Variants in PCDHGA3 observed in about 807,000 individuals in gnomAD.
PCDHGA3 encodes the protein protocadherin gamma-A3.
A neutral mutation model predicts 58.5 loss-of-function variants in PCDHGA3; 40 were observed. That is an observed-to-expected ratio of 0.68 (90% CI 0.53 to 0.89). The LOEUF is 0.89. PCDHGA3 is among the 40% of genes least tolerant of loss of function. The pLI, the probability that PCDHGA3 is intolerant of heterozygous loss-of-function variation, is 0.00. For synonymous variants in PCDHGA3, 530 were observed against 525.7 expected (o/e 1.01, Z -0.11); for missense variants, 1,223 against 1,195.9 (o/e 1.02, Z -0.33).
intron 1 of PCDHGA3, among the ~76,000 whole-genome samples, chr5:141,483,613 C>A (rs2099583607): frequency 6.6e-6 from 1 of 151,914 alleles, no homozygotes; most frequent in South Asian, 2.1e-4. Context: ...ACACCTCCAT[C>A]ATTCCCATGG....
At chr5:141,510,898 T>C in intron 3 of PCDHGA3, 49 bp from the exon 4 acceptor site, 1 of 1,613,278 alleles carries the variant, frequency 6.2e-7, no homozygotes, top group Non-Finnish European at 8.5e-7. Context: ...ACAGTGACTG[T>C]TGAGGACCCT....
At chr5:141,422,379 C>G (rs2096644662) in intron 1 of PCDHGA3, 1 of 1,576,826 alleles carries the variant, frequency 6.3e-7, no homozygotes, top group East Asian at 2.2e-5. Flanking sequence ...GTCAAGTCTC[C>G]TGTTTTATTC....
intron 1 of PCDHGA3, chr5:141,423,709 C>G (rs2096768343): frequency 8.7e-7 from 1 of 1,147,590 alleles, no homozygotes; most frequent in African/African-American, 1.9e-5. Context: ...TGGCACAAGT[C>G]TTTTAAGGAG....
intron 1 of PCDHGA3, among the ~76,000 whole-genome samples, chr5:141,435,794 C>T (rs993951734): frequency 2.6e-5 from 4 of 151,934 alleles, no homozygotes; most frequent in Admixed American, 6.6e-5. Flanking sequence ...GGAAACATAA[C>T]GTCCCAATTA....
In PCDHGA3 at chr5:141,395,061, C is replaced by G. The variant is rs751602382; in HGVS notation, c.2424+48604C>G. 1.5e-5 allele frequency: 25 copies of G among 1,614,158 alleles called. No individual in the cohort carries two copies. In the African/African-American group the frequency reaches 3.2e-4, roughly 21 times the overall value. On this transcript the variant is annotated intron_variant, in intron 1 of 3. Coordinates refer to ENST00000253812, the MANE Select transcript of PCDHGA3 (RefSeq NM_018916.4). ...GGGTGTTGAGGAGGTACAGGCTTTCCTGCAGACCTATTCCCAGGAAGTCTC... is the reference window on the plus strand; with the variant it reads ...GGGTGTTGAGGAGGTACAGGCTTTCGTGCAGACCTATTCCCAGGAAGTCTC...
intron 1 of PCDHGA3, chr5:141,372,290 G>A (rs1437600694): frequency 1.9e-6 from 3 of 1,613,282 alleles, no homozygotes; most frequent in Non-Finnish European, 2.5e-6. Context: ...CGCGTACCTT[G>A]GGCGACAGGG....
chr5:141,468,230 TAGG>T (rs1451844939), intron 1 of PCDHGA3, among the ~76,000 whole-genome samples: 9 of 141,220 alleles, frequency 6.4e-5, no homozygotes, highest in South Asian at 2.2e-4. Context: ...GAGGATGAGG[TAGG>T]AGAATTGCCT....
At chr5:141,473,098 A>G (rs564554159) in intron 1 of PCDHGA3, among the ~76,000 whole-genome samples, 6 of 152,300 alleles carry the variant, frequency 3.9e-5, no homozygotes, top group South Asian at 4.1e-4. Context: ...TGTGAGTTGT[A>G]TTACCACACT....
intron 1 of PCDHGA3, chr5:141,360,202 T>C (rs779702690): frequency 1.2e-6 from 2 of 1,612,846 alleles, no homozygotes; most frequent in Non-Finnish European, 1.7e-6. Context: ...CTTCCTGTTG[T>C]CTTTGTTCCC....
rs372911969 is a variant in PCDHGA3 at position 141,346,097 on chromosome 5, C to T, written c.2064C>T (p.Asp688=). 13 of 1,613,720 alleles carry T rather than the reference C, an allele frequency of 8.1e-6. No individual in the cohort carries two copies. In the African/African-American group the frequency reaches 1.3e-4, roughly 17 times the overall value. The part of the protein sequence containing the change: ...LEPSAKPNDS[D]LTLYLVVAVA... Reference sequence around the variant, plus strand: ...CCTCCGCCAAACCCAACGATTCGGACCTCACTCTGTACCTGGTGGTGGCGG... The same window carrying T: ...CCTCCGCCAAACCCAACGATTCGGATCTCACTCTGTACCTGGTGGTGGCGG... The change falls in exon 1 of 4, where the codon GAC becomes GAT. Residue 688 remains aspartate, a synonymous_variant. Transcript: ENST00000253812.
At position 141,409,758 on chromosome 5, in the gene PCDHGA3, C is replaced by A. The variant is rs763902801; in HGVS notation, c.2424+63301C>A. Reference sequence around the variant, plus strand: ...AGCGGGGTGGTGTTCGCGCAGCGCGCCTTTGATCACGAGCAGCTGCGCGCC... The same window carrying A: ...AGCGGGGTGGTGTTCGCGCAGCGCGACTTTGATCACGAGCAGCTGCGCGCC... On this transcript the variant is annotated intron_variant, in intron 1 of 3. Transcript: ENST00000253812. 4 of 1,612,868 alleles carry A rather than the reference C, an allele frequency of 2.5e-6. No homozygotes were observed. In the African/African-American group the frequency reaches 4.0e-5, roughly 16 times the overall value.
intron 3 of PCDHGA3, among the ~76,000 whole-genome samples, chr5:141,506,045 C>G (rs1379226123): frequency 6.6e-6 from 1 of 152,078 alleles, no homozygotes; most frequent in Non-Finnish European, 1.5e-5. Flanking sequence ...TCTGGTTTTC[C>G]CATAAGGTTG....
intron 1 of PCDHGA3, among the ~76,000 whole-genome samples, chr5:141,451,611 G>C (rs1004906441): frequency 6.6e-6 from 1 of 152,166 alleles, no homozygotes; most frequent in Admixed American, 6.5e-5. Context: ...GCTAGGCATG[G>C]TGGCTCAAAC....
rs534816363 is a variant in PCDHGA3, at chr5:141,456,234, G to T, written c.2425-38573G>T. Among the ~76,000 whole-genome samples the T allele has an allele frequency of 2.2e-4, 33 of 152,224 alleles. 1 individual carries two copies. The South Asian group carries it at 6.9e-3, about 32-fold the overall frequency. On this transcript the variant is annotated intron_variant, in intron 1 of 3. Transcript: ENST00000253812. ...CTGTGGCGATATCAAACTAACTGCT[G>T]TTAGGAGGCTTTGGGCGACCATTGC...
At chr5:141,365,601 T>G in intron 1 of PCDHGA3, 1 of 1,613,644 alleles carries the variant, frequency 6.2e-7, no homozygotes, top group Non-Finnish European at 8.5e-7. Flanking sequence ...ACTTTAACCG[T>G]CATGGACCAT....
chr5:141,389,360 T>C (rs1245411453), intron 1 of PCDHGA3: 4 of 1,613,742 alleles, frequency 2.5e-6, no homozygotes, highest in South Asian at 1.1e-5. Flanking sequence ...TCATGGCCAG[T>C]GACCTGGAGC....
intron 1 of PCDHGA3, among the ~76,000 whole-genome samples, chr5:141,461,824 T>C (rs958063237): frequency 1.3e-5 from 2 of 151,968 alleles, no homozygotes; most frequent in African/African-American, 4.8e-5. Flanking sequence ...CAGCTAATTT[T>C]TTTTTCTTTT....
In PCDHGA3 at chr5:141,351,767, G is replaced by A. The variant is rs371048978; in HGVS notation, c.2424+5310G>A. On this transcript the variant is annotated intron_variant, in intron 1 of 3. Coordinates refer to ENST00000253812, the MANE Select transcript of PCDHGA3 (RefSeq NM_018916.4). ...GCGGGAGCTGTTGTCCTACGTGTCC[G>A]TGAGCCCGCAGAGCGGGGTGGTGTT... 379 of 1,613,510 alleles carry A rather than the reference G, an allele frequency of 2.3e-4. 3 individuals are homozygous for A. The East Asian group carries it at 7.6e-3, about 32-fold the overall frequency.
chr5:141,389,791 TC>T (rs754420674), intron 1 of PCDHGA3: 1 of 1,613,408 alleles, frequency 6.2e-7, no homozygotes, highest in Non-Finnish European at 8.5e-7. Context: ...AGGGACGCCG[TC>T]CGCCAGCGCC....
Sources: gnomAD v4.1 joint callset for allele counts (sites outside exome capture counted in the v4.1 genomes callset) on GRCh38, gnomAD v4.1.1 for gene constraint, MANE v1.5 for transcripts, NCBI Gene and HGNC (gene_info 2026-07-23, HGNC 2026-07-21) for gene names.